The following PPP2R3B variants were observed in gnomAD, a reference collection of about 807,000 sequenced individuals.
PPP2R3B encodes protein phosphatase 2 regulatory subunit B''beta.
A neutral mutation model predicts 72.9 loss-of-function variants in PPP2R3B; 68 were observed. The ratio of observed to expected loss-of-function variants is 0.93; its 90% CI spans 0.77 to 1.14. The LOEUF is 1.14. Among genes scored for constraint, PPP2R3B ranks in the 50% most tolerant of loss-of-function variants. The pLI is 0.00. For synonymous variants in PPP2R3B, 466 were observed against 375.8 expected (o/e 1.24, Z -2.78); for missense variants, 1,018 against 842.0 (o/e 1.21, Z -2.59).
chrX:376,022 T>G (rs1191394972), intron 1 of PPP2R3B, among the ~76,000 whole-genome samples: 1 of 151,986 alleles, frequency 6.6e-6, no homozygotes, highest in East Asian at 1.9e-4. Context: ...TGAAACCCTG[T>G]CTCTACTAAA....
intron 10 of PPP2R3B, among the ~76,000 whole-genome samples, 175 bp from the exon 11 acceptor site, chrX:339,071 G>C (rs765860062): frequency 4.6e-5 from 7 of 152,136 alleles, no homozygotes; most frequent in Non-Finnish European, 7.4e-5. Context: ...TTCTGGGTGG[G>C]GACTGAGGCG....
chrX:371,079 G>A (rs1220810418), intron 1 of PPP2R3B, among the ~76,000 whole-genome samples: 2 of 152,092 alleles, frequency 1.3e-5, no homozygotes, highest in African/African-American at 4.8e-5. Context: ...CCTGGGCTGG[G>A]AACAAGGTCT....
In PPP2R3B at chrX:369,088, G is replaced by A. The variant is rs147165821; in HGVS notation, c.325-7498C>T. Among the ~76,000 whole-genome samples, 819 of 152,324 alleles carry A rather than the reference G, an allele frequency of 5.4e-3. 10 individuals are homozygous for A. Among genetic ancestry groups the A allele is most frequent in the African/African-American group, 0.019 (782 of 41,572 alleles). ...CACTTGGGAACTGGCCACCTCTCGG[G>A]CTGAGCTGCAGGTCTCAGGGGGTTC... On this transcript the variant is annotated intron_variant, in intron 1 of 12. Transcript: ENST00000390665.
chrX:364,630 A>G (rs1269972894), intron 1 of PPP2R3B, among the ~76,000 whole-genome samples: 1 of 146,430 alleles, frequency 6.8e-6, no homozygotes, highest in Middle Eastern at 3.2e-3. Context: ...AGGCAGGAGA[A>G]TCGCTTCAAC....
intron 1 of PPP2R3B, among the ~76,000 whole-genome samples, chrX:372,879 G>A (rs776699449): frequency 6.6e-6 from 1 of 152,206 alleles, no homozygotes; most frequent in African/African-American, 2.4e-5. Flanking sequence ...AGTGAGCCGA[G>A]ATAGCGCCGC....
At chrX:361,342 G>A (rs369440421) in intron 2 of PPP2R3B, 63 bp downstream of exon 2, 31 of 1,586,546 alleles carry the variant, frequency 2.0e-5, no homozygotes, top group African/African-American at 4.0e-5. Context: ...CGGCCGCTCC[G>A]CCTCACCCTC....
At chrX:346,680 G>GC (rs751534194) in intron 5 of PPP2R3B, 21 bp downstream of exon 5, 23 of 1,596,954 alleles carry the variant, frequency 1.4e-5, no homozygotes, top group Non-Finnish European at 1.9e-5. Flanking sequence ...GGAACCGACG[G>GC]CCCCTCCGCT....
chrX:358,836 G>A lies in PPP2R3B; in HGVS notation c.510+2569C>T, dbSNP rs746125774. Among the ~76,000 whole-genome samples, 13 of 151,302 alleles carry A rather than the reference G, an allele frequency of 8.6e-5. No individual in the cohort carries two copies. In the East Asian group the frequency reaches 2.6e-3, roughly 30 times the overall value. ...GGGCGGCACCACGGTGGGGGGAGGC[G>A]CCGTTGGGGAGAAGCACCGTGGGGA... On this transcript the variant is annotated intron_variant, in intron 2 of 12. Coordinates refer to ENST00000390665, the MANE Select transcript of PPP2R3B (RefSeq NM_013239.5).
rs748364107 is a variant in PPP2R3B, at chrX:348,305, G to A, written c.511-612C>T. ...AATTAACCCTGGCTGGCTGGGCGTG[G>A]TGGCTCATGCCTGTAATCCCAGCAC... On this transcript the variant is annotated intron_variant, in intron 2 of 12. Coordinates refer to ENST00000390665, the MANE Select transcript of PPP2R3B (RefSeq NM_013239.5). Among the ~76,000 whole-genome samples the A allele has an allele frequency of 3.3e-5, 5 of 151,140 alleles. No individual in the cohort carries two copies. In the South Asian group the frequency reaches 1.1e-3, roughly 32 times the overall value.
At chrX:385,315 GTTTTCT>G (rs1397442818) in intron 1 of PPP2R3B, among the ~76,000 whole-genome samples, 21 of 106,708 alleles carry the variant, frequency 2.0e-4, no homozygotes, top group Non-Finnish European at 1.2e-4. Flanking sequence ...CTTGTTTTTA[GTTTTCT>G]TTTTTTTTTT....
intron 2 of PPP2R3B, among the ~76,000 whole-genome samples, chrX:352,633 C>T (rs1445047394): frequency 6.6e-6 from 1 of 151,708 alleles, no homozygotes; most frequent in Non-Finnish European, 1.5e-5. Context: ...GAGCAGGAAA[C>T]ACCGCCGGCC....
intron 2 of PPP2R3B, among the ~76,000 whole-genome samples, chrX:352,335 C>T (rs769137606): frequency 1.2e-4 from 19 of 152,350 alleles, no homozygotes; most frequent in South Asian, 6.2e-4. Flanking sequence ...GGACAGGGAA[C>T]GAGGCCGCCA....
In PPP2R3B at chrX:334,267, ACAAACGCACT is replaced by A; in HGVS notation, c.*90_*99del. The A allele has an allele frequency of 7.7e-7, 1 of 1,295,770 alleles. No homozygotes were observed. The highest frequency in any genetic ancestry group is 1.0e-6 in the Non-Finnish European group (1 of 987,254). The allele number at this position is 1,295,770 out of a possible 1,614,324, so 80.3% of individuals were successfully genotyped here. On this transcript the variant is annotated 3_prime_UTR_variant, in exon 13 of 13. Transcript: ENST00000390665. ...AATAAATAAAAGTTTATCATTCCGT[ACAAACGCACT>A]CATTTTCCACAACAGTTTTTACACG... is the stretch of plus-strand genomic sequence containing the variant.
chrX:363,498 A>ATGCATCTCCCCAAGCCCGCGATCCCGCAG (rs2071598093), intron 1 of PPP2R3B, among the ~76,000 whole-genome samples: 1 of 3,860 alleles, frequency 2.6e-4, no homozygotes, highest in East Asian at 5.7e-3. Flanking sequence ...GCATCCCACA[A>ATGCATCTCCCCAAGCCCGCGATCCCGCAG]TGCATCTCCC....
chrX:386,744 G>GCCCCGCCCC lies in PPP2R3B; in HGVS notation c.-54_-53insGGGGCGGGG. The GCCCCGCCCC allele has an allele frequency of 8.7e-7, 1 of 1,148,448 alleles. No homozygotes were observed. 71.1% of individuals were successfully genotyped at this position (1,148,448 alleles called of 1,614,324 possible). A position where few individuals can be genotyped will look rare whatever the true frequency, so the allele number is the denominator to read the frequency against. On this transcript the variant is annotated 5_prime_UTR_variant, in exon 1 of 13. Transcript: ENST00000390665. Reference sequence around the variant, plus strand: ...GGACGCCCGCGCCCCGCCCCGCCCCGGGGGCTTCGGTCCGCCCCGGACCGA... The same window carrying GCCCCGCCCC: ...GGACGCCCGCGCCCCGCCCCGCCCCGCCCCGCCCCGGGGCTTCGGTCCGCCCCGGACCGA...
chrX:346,050 T>TGGGGGTGGGGGG (rs2071199726), intron 6 of PPP2R3B, 124 bp downstream of exon 6: 3 of 392,778 alleles, frequency 7.6e-6, no homozygotes, highest in African/African-American at 4.6e-5. Flanking sequence ...GAGGTGGGGG[T>TGGGGGTGGGGGG]GGGGGTGGGG....
At chrX:372,122 C>G (rs1462063796) in intron 1 of PPP2R3B, among the ~76,000 whole-genome samples, 1 of 152,134 alleles carries the variant, frequency 6.6e-6, no homozygotes, top group Non-Finnish European at 1.5e-5. Context: ...CCAGCGAGCC[C>G]GCACCGCCCA....
At chrX:364,511 A>G (rs1387948753) in intron 1 of PPP2R3B, among the ~76,000 whole-genome samples, 2 of 115,400 alleles carry the variant, frequency 1.7e-5, no homozygotes, top group African/African-American at 3.9e-5. Flanking sequence ...TCTACTAAAA[A>G]AAAAAAAAAC....
intron 6 of PPP2R3B, 67 bp from the exon 7 acceptor site, chrX:345,739 C>G: frequency 9.2e-7 from 1 of 1,084,228 alleles, no homozygotes; most frequent in Non-Finnish European, 1.2e-6. Flanking sequence ...CGCCTGGCTG[C>G]GGGCGGGGCA....
Sources: gnomAD v4.1 joint callset for allele counts (sites outside exome capture counted in the v4.1 genomes callset) on GRCh38, gnomAD v4.1.1 for gene constraint, MANE v1.5 for transcripts, NCBI Gene and HGNC (gene_info 2026-07-23, HGNC 2026-07-21) for gene names.